NKAIN2: variants seen among roughly 807,000 people sequenced by gnomAD.
NKAIN2 encodes the protein sodium/potassium transporting ATPase interacting 2, also known as sodium/potassium-transporting ATPase subunit beta-1-interacting protein 2.
Under a neutral mutation model 32.6 loss-of-function variants are expected in NKAIN2, and 14 were observed. The ratio of observed to expected loss-of-function variants is 0.43; its 90% confidence interval spans 0.28 to 0.67. NKAIN2 has a LOEUF of 0.67. NKAIN2 is among the 30% of genes least tolerant of loss of function. The pLI is 0.17. For synonymous variants in NKAIN2, 80 were observed against 87.2 expected (o/e 0.92, Z 0.46); for missense variants, 198 against 258.3 (o/e 0.77, Z 1.60).
At chr6:124,164,139 C>T (rs566194195) in intron 1 of NKAIN2, among the ~76,000 whole-genome samples, 3 of 152,046 alleles carry the variant, frequency 2.0e-5, no homozygotes, top group African/African-American at 7.2e-5. Context: ...GAATTGTAAA[C>T]AAGATTTTAG....
chr6:124,277,905 A>G (rs1472932540), intron 1 of NKAIN2, among the ~76,000 whole-genome samples: 1 of 151,596 alleles, frequency 6.6e-6, no homozygotes, highest in Non-Finnish European at 1.5e-5. Flanking sequence ...TTTCATCATC[A>G]TAGTTTCAAA....
At chr6:123,887,997 G>C (rs1773808897) in intron 1 of NKAIN2, among the ~76,000 whole-genome samples, 1 of 152,024 alleles carries the variant, frequency 6.6e-6, no homozygotes, top group Admixed American at 6.6e-5. Context: ...ACTCGTATTG[G>C]TAATTGTGAA....
At chr6:124,069,629 T>G (rs1297856670) in intron 1 of NKAIN2, among the ~76,000 whole-genome samples, 1 of 152,146 alleles carries the variant, frequency 6.6e-6, no homozygotes, top group African/African-American at 2.4e-5. Flanking sequence ...AAGTTTCAGA[T>G]TGGGTTTGTT....
intron 3 of NKAIN2, among the ~76,000 whole-genome samples, chr6:124,407,681 C>A (rs900883950): frequency 1.3e-5 from 2 of 151,920 alleles, no homozygotes; most frequent in African/African-American, 4.8e-5. Flanking sequence ...TTTATAGCAG[C>A]ATGATTTATA....
intron 5 of NKAIN2, among the ~76,000 whole-genome samples, chr6:124,793,991 C>T (rs534547472): frequency 6.6e-6 from 1 of 152,132 alleles, no homozygotes; most frequent in African/African-American, 2.4e-5. Flanking sequence ...TCAAATCCTA[C>T]AAGAAGAAAT....
At chr6:124,559,457 C>T (rs1465534578) in intron 3 of NKAIN2, among the ~76,000 whole-genome samples, 2 of 152,202 alleles carry the variant, frequency 1.3e-5, no homozygotes, top group Admixed American at 6.5e-5. Flanking sequence ...GATTCCTTAC[C>T]GTCTCAACTA....
rs1159391908 is a variant in NKAIN2, at chr6:124,474,478, TTAAG to T, written c.273+119134_273+119137del. On this transcript the variant is annotated intron_variant, in intron 3 of 6. Coordinates refer to ENST00000368417, the MANE Select transcript of NKAIN2 (RefSeq NM_001040214.3). The stretch of plus-strand genomic sequence containing the variant: ...TTCAAACGGAACCACTTTCTGCACT[TTAAG>T]TATTACTGGTAGTTGTGCTCAGGAT... Among the ~76,000 whole-genome samples the T allele has an allele frequency of 2.0e-5, 3 of 152,212 alleles. No homozygotes were observed. The East Asian group carries it at 5.8e-4, about 29-fold the overall frequency.
At position 124,200,908 on chromosome 6, in the gene NKAIN2, G is replaced by C. The variant is rs186888959; in HGVS notation, c.55-82097G>C. Among the ~76,000 whole-genome samples, 22 of 152,170 alleles carry C rather than the reference G, an allele frequency of 1.4e-4. No homozygotes were observed. The East Asian group carries it at 4.3e-3, about 29-fold the overall frequency. ...ATCTGCGTGCTAATTAACCAGTGTA[G>C]AACACAGTCTTGTCATAGGAAAAAG... On this transcript the variant is annotated intron_variant, in intron 1 of 6. Transcript: ENST00000368417.
chr6:123,924,249 G>A (rs1481455927), intron 1 of NKAIN2, among the ~76,000 whole-genome samples: 1 of 152,346 alleles, frequency 6.6e-6, no homozygotes, highest in South Asian at 2.1e-4. Flanking sequence ...CATCTGGGTG[G>A]CAGTAATGCC....
intron 3 of NKAIN2, among the ~76,000 whole-genome samples, chr6:124,407,509 T>C (rs1200207275): frequency 1.3e-5 from 2 of 152,178 alleles, no homozygotes; most frequent in African/African-American, 2.4e-5. Context: ...TCCATGTCCC[T>C]GCAAAGGACA....
At chr6:124,136,599 A>T (rs1786801464) in intron 1 of NKAIN2, among the ~76,000 whole-genome samples, 1 of 152,158 alleles carries the variant, frequency 6.6e-6, no homozygotes, top group Admixed American at 6.5e-5. Context: ...TAGGTGTGAA[A>T]ATCCTCAATA....
At chr6:124,037,217 T>A (rs1368718331) in intron 1 of NKAIN2, among the ~76,000 whole-genome samples, 1 of 152,034 alleles carries the variant, frequency 6.6e-6, no homozygotes, top group East Asian at 1.9e-4. Context: ...CAGGAAGAAA[T>A]ACAACATGAA....
chr6:123,881,053 A>G (rs752984879), intron 1 of NKAIN2, among the ~76,000 whole-genome samples: 3 of 152,078 alleles, frequency 2.0e-5, no homozygotes, highest in Non-Finnish European at 2.9e-5. Context: ...GTGACTAGGG[A>G]TTTTGTCACC....
chr6:124,439,877 T>C (rs1350254638), intron 3 of NKAIN2, among the ~76,000 whole-genome samples: 1 of 151,992 alleles, frequency 6.6e-6, no homozygotes, highest in East Asian at 1.9e-4. Flanking sequence ...CTCTCTCGAC[T>C]CATCTCAGAT....
At chr6:124,210,713 T>C (rs1403211782) in intron 1 of NKAIN2, among the ~76,000 whole-genome samples, 1 of 149,772 alleles carries the variant, frequency 6.7e-6, no homozygotes, top group Non-Finnish European at 1.5e-5. Context: ...CTTGATTTTT[T>C]TTGTTTGTTT....
At chr6:124,325,644 T>C (rs947506671) in intron 2 of NKAIN2, among the ~76,000 whole-genome samples, 2 of 152,144 alleles carry the variant, frequency 1.3e-5, no homozygotes, top group Non-Finnish European at 2.9e-5. Context: ...CCAGATACTG[T>C]ATATTTTACG....
At chr6:124,659,614 A>G (rs761824934) in intron 4 of NKAIN2, among the ~76,000 whole-genome samples, 12 of 152,146 alleles carry the variant, frequency 7.9e-5, no homozygotes, top group Non-Finnish European at 1.6e-4. Flanking sequence ...GTGTGTCAGC[A>G]GGAGGCTCCA....
intron 1 of NKAIN2, among the ~76,000 whole-genome samples, chr6:123,893,898 C>T (rs1774145016): frequency 6.6e-6 from 1 of 152,126 alleles, no homozygotes; most frequent in Non-Finnish European, 1.5e-5. Flanking sequence ...GACTTTTGAG[C>T]TTCTCTCTAT....
intron 3 of NKAIN2, among the ~76,000 whole-genome samples, chr6:124,453,922 G>T (rs375735446): frequency 1.1e-4 from 16 of 151,946 alleles, no homozygotes; most frequent in East Asian, 5.8e-4. Context: ...AAAAGCAAAC[G>T]TATTGGTAAT....
Sources: allele counts gnomAD v4.1 joint callset (sites outside exome capture counted in the v4.1 genomes callset), GRCh38; gene constraint gnomAD v4.1.1; transcripts MANE v1.5; gene names NCBI Gene and HGNC (gene_info 2026-07-23, HGNC 2026-07-21).